The following GPT variants were observed in gnomAD, a reference collection of about 807,000 sequenced individuals.
The protein encoded by GPT is alanine aminotransferase 1.
Under a neutral mutation model 51.4 loss-of-function variants are expected in GPT, and 60 were observed. The observed-to-expected ratio is 1.17, with a 90% CI of 0.95 to 1.45. The LOEUF (loss-of-function observed/expected upper bound fraction) is 1.45, where lower values mean the gene tolerates loss of function less well. Ranked by LOEUF, GPT falls within the 40% of genes most tolerant of loss-of-function variation. GPT has a pLI of 0.00. For missense variants in GPT, 853 were observed against 704.0 expected (o/e 1.21, Z -2.40); for synonymous variants, 397 against 303.1 (o/e 1.31, Z -3.22).
chr8:144,504,090 G>A (rs1586771240), upstream of GPT: 1 of 611,090 alleles, frequency 1.6e-6, no homozygotes, highest in East Asian at 2.8e-5. Context: ...CCAGACGGGT[G>A]GGGCGGGGCC....
intron 6 of GPT, 23 bp from the exon 7 acceptor site, chr8:144,505,972 C>G (rs757301530): frequency 6.2e-7 from 1 of 1,612,238 alleles, no homozygotes; most frequent in East Asian, 2.2e-5. Context: ...AGTCCGCCCC[C>G]GTGACGCCTT....
chr8:144,506,324 C>A lies in GPT; in HGVS notation c.1049C>A (p.Pro350Gln). Residue 350 changes from proline (P) to glutamine (Q), a missense_variant, in exon 8 of 11, where the codon CCG (proline) becomes CAG (glutamine). Coordinates refer to ENST00000394955, the MANE Select transcript of GPT (RefSeq NM_005309.3). This position sits in a 1 kb window ranked among gnomAD's most constrained non-coding sequence, Gnocchi z 7.0. ...AAGCTGATGAGTGTGCGGCTGTGCC[C>A]GCCGGTGCCAGGACAGGCCCTGCTG... ...MLKLMSVRLC[P>Q]PVPGQALLDL... 1 of 1,582,706 alleles carries A rather than the reference C, an allele frequency of 6.3e-7. No individual in the cohort carries two copies. Among genetic ancestry groups the A allele is most frequent in the South Asian group, 1.1e-5 (1 of 88,008 alleles).
At position 144,506,699 on chromosome 8, in the gene GPT, G is replaced by C. The variant is rs1267221117; in HGVS notation, c.1288-32G>C. The C allele has an allele frequency of 6.2e-7, 1 of 1,602,638 alleles. No individual in the cohort carries two copies. The highest frequency in any genetic ancestry group is 1.3e-5 in the African/African-American group (1 of 74,846). On this transcript the variant is annotated intron_variant, in intron 9 of 10. Coordinates refer to ENST00000394955, the MANE Select transcript of GPT (RefSeq NM_005309.3). This position sits in a 1 kb window ranked among gnomAD's most constrained non-coding sequence, Gnocchi z 7.0. ...CCTGCGGGGTGGGCAGGGGGGGCCGGGCATCCCTCTCTGACGGCTCTCCGT... is the reference window on the plus strand; with the variant it reads ...CCTGCGGGGTGGGCAGGGGGGGCCGCGCATCCCTCTCTGACGGCTCTCCGT...
intron 5 of GPT, 75 bp downstream of exon 5, chr8:144,505,564 C>T (rs1826759676): frequency 4.1e-6 from 4 of 976,968 alleles, no homozygotes; most frequent in Non-Finnish European, 5.7e-6. Flanking sequence ...CCACTCCCCC[C>T]GCGCCCACGG....
At chr8:144,504,557 G>A (rs780253648) in intron 1 of GPT, 47 bp from the exon 2 acceptor site, 7 of 1,609,398 alleles carry the variant, frequency 4.3e-6, no homozygotes, top group South Asian at 2.2e-5. Context: ...AAGGGCTGAG[G>A]GGTTAGGTAG....
At chr8:144,503,343 G>A (rs1826625179), upstream of GPT, among the ~76,000 whole-genome samples, 1 of 152,182 alleles carries the variant, frequency 6.6e-6, no homozygotes, top group Non-Finnish European at 1.5e-5. Context: ...TGTGGAGGTG[G>A]GGCTCTGACG....
rs899235314 is a variant in GPT, at chr8:144,507,113, G to A, written c.*113G>A. On this transcript the variant is annotated 3_prime_UTR_variant, in exon 11 of 11. Coordinates refer to ENST00000394955, the MANE Select transcript of GPT (RefSeq NM_005309.3). Reference sequence around the variant, plus strand: ...ATGCCTGGCGGGGTGGGGTGGGGGGGGTGCTGGGCCCCTGCCTCTCTGCAG... The same window carrying A: ...ATGCCTGGCGGGGTGGGGTGGGGGGAGTGCTGGGCCCCTGCCTCTCTGCAG... The A allele has an allele frequency of 3.9e-6, 2 of 512,006 alleles. 1 individual carries two copies. The allele number at this position is 512,006 out of a possible 1,614,324, so 31.7% of individuals were successfully genotyped here.
Position 144,506,706 on chromosome 8 carries a change from C to G in GPT, c.1288-25C>G. On this transcript the variant is annotated intron_variant, in intron 9 of 10. Coordinates refer to ENST00000394955, the MANE Select transcript of GPT (RefSeq NM_005309.3). This position sits in a 1 kb window ranked among gnomAD's most constrained non-coding sequence, Gnocchi z 7.0. The stretch of plus-strand genomic sequence containing the variant: ...GGTGGGCAGGGGGGGCCGGGCATCC[C>G]TCTCTGACGGCTCTCCGTCCACAGG... 3 of 1,607,118 alleles carry G rather than the reference C, an allele frequency of 1.9e-6. No homozygotes were observed. Among genetic ancestry groups the G allele is most frequent in the Admixed American group, 1.7e-5 (1 of 59,726 alleles).
Position 144,504,231 on chromosome 8 carries a change from A to G in GPT, c.-74A>G. On this transcript the variant is annotated 5_prime_UTR_variant, in exon 1 of 11. Transcript: ENST00000394955. ...TCCCAGCCCTGGCCCACTAAGCCAG[A>G]CCCAGCTGTCGCCATTCCCACTTCT... The G allele has an allele frequency of 6.5e-7, 1 of 1,531,072 alleles. No individual in the cohort carries two copies. The highest frequency in any genetic ancestry group is 1.4e-5 in the African/African-American group (1 of 73,778). 94.8% of individuals were successfully genotyped at this position (1,531,072 alleles called of 1,614,324 possible).
rs777764097 is a variant in GPT, at chr8:144,505,380, G to A, written c.630G>A (p.Glu210=). The part of the protein sequence containing the change: ...GAVQVDYYLD[E]ERAWALDVAE... Reference sequence around the variant, plus strand: ...TGCAGGTGGATTACTACCTGGACGAGGAGCGTGCCTGGGCGCTGGACGTGG... The same window carrying A: ...TGCAGGTGGATTACTACCTGGACGAAGAGCGTGCCTGGGCGCTGGACGTGG... Residue 210 remains glutamate, a synonymous_variant, in exon 5 of 11, where the codon GAG becomes GAA. Transcript: ENST00000394955. The A allele has an allele frequency of 6.3e-6, 10 of 1,591,804 alleles. No individual in the cohort carries two copies. In the Admixed American group the frequency reaches 1.4e-4, roughly 22 times the overall value.
In GPT at chr8:144,505,136, G is replaced by T; in HGVS notation, c.495+5G>T. On this transcript the variant is annotated splice_donor_5th_base_variant and intron_variant, in intron 4 of 10. Coordinates refer to ENST00000394955, the MANE Select transcript of GPT (RefSeq NM_005309.3). ...GGGGCCAGCGATGCCATCGTGGTAG[G>T]CTGGGCATGGGCACCAAGACATTCC... is the stretch of plus-strand genomic sequence containing the variant. 6.2e-7 allele frequency: 1 copy of T among 1,612,954 alleles called. No individual in the cohort carries two copies.
rs1224375487 is a variant in GPT, at chr8:144,507,063, C to G, written c.*63C>G. ...GTGTGCTCAGGAGCCCTGGGAGGCT[C>G]TGGAGCCCACTGTACTTGCTCTTGA... On this transcript the variant is annotated 3_prime_UTR_variant, in exon 11 of 11. Coordinates refer to ENST00000394955, the MANE Select transcript of GPT (RefSeq NM_005309.3). The G allele has an allele frequency of 5.9e-6, 4 of 675,970 alleles. No individual in the cohort carries two copies. In the African/African-American group the frequency reaches 6.5e-5, roughly 11 times the overall value. The allele number at this position is 675,970 out of a possible 1,614,324, so 41.9% of individuals were successfully genotyped here. A position where few individuals can be genotyped will look rare whatever the true frequency, so the allele number is the denominator to read the frequency against.
At position 144,505,402 on chromosome 8, in the gene GPT, G is replaced by A. The variant is rs1374268857; in HGVS notation, c.652G>A (p.Val218Met). The change falls in exon 5 of 11, where the codon GTG (valine) becomes ATG (methionine). Residue 218 changes from valine (V) to methionine (M), a missense_variant. By Grantham distance (21) the Val-to-Met change is conservative (BLOSUM62 1). Transcript: ENST00000394955. ...LDEERAWALD[V>M]AELHRALGQA... is the part of the protein sequence containing the mutation. ...CGAGGAGCGTGCCTGGGCGCTGGAC[G>A]TGGCCGAGCTTCACCGTGCACTGGG... 4 of 1,596,180 alleles carry A rather than the reference G, an allele frequency of 2.5e-6. No individual in the cohort carries two copies. Among genetic ancestry groups the A allele is most frequent in the Middle Eastern group, 1.9e-4 (1 of 5,400 alleles).
At position 144,505,109 on chromosome 8, in the gene GPT, C is replaced by G. The variant is rs756756813; in HGVS notation, c.473C>G (p.Thr158Arg). 6.2e-7 allele frequency: 1 copy of G among 1,612,990 alleles called. No individual in the cohort carries two copies. Among genetic ancestry groups the G allele is most frequent in the African/African-American group, 1.3e-5 (1 of 74,924 alleles). The change falls in exon 4 of 11, where the codon ACA (threonine) becomes AGA (arginine). Residue 158 changes from threonine (T) to arginine (R), a missense_variant. Transcript: ENST00000394955. ...GACCCCAACAACGTCTTCCTGTCCA[C>G]AGGGGCCAGCGATGCCATCGTGGTA... is the stretch of plus-strand genomic sequence containing the variant. ...PADPNNVFLS[T>R]GASDAIVTVL... is the part of the protein sequence containing the mutation.
At chr8:144,503,927 C>T (rs969593784), upstream of GPT, 6 of 315,478 alleles carry the variant, frequency 1.9e-5, no homozygotes, top group East Asian at 4.8e-4. Context: ...CATGTCTAGT[C>T]CCTCAGAGCT....
Position 144,506,722 on chromosome 8 carries a change from CG to C in GPT, c.1288-8del, listed in dbSNP as rs1826834299. 5.0e-6 allele frequency: 8 copies of C among 1,610,168 alleles called. No individual in the cohort carries two copies. The highest frequency in any genetic ancestry group is 6.8e-6 in the Non-Finnish European group (8 of 1,179,344). On this transcript the variant is annotated splice_polypyrimidine_tract_variant and splice_region_variant and intron_variant, in intron 9 of 10. Coordinates refer to ENST00000394955, the MANE Select transcript of GPT (RefSeq NM_005309.3). This position sits in a 1 kb window ranked among gnomAD's most constrained non-coding sequence, Gnocchi z 7.0. The stretch of plus-strand genomic sequence containing the variant: ...CGGGCATCCCTCTCTGACGGCTCTC[CG>C]TCCACAGGAGCTGGGCCTGGCCCCC...
rs1564778243 is a variant in GPT at position 144,506,022 on chromosome 8, GGTTCGCA to G, written c.852_858del (p.Gln285ThrfsTer44). 6.2e-7 allele frequency: 1 copy of G among 1,612,312 alleles called. No individual in the cohort carries two copies. The highest frequency in any genetic ancestry group is 1.7e-5 in the Admixed American group (1 of 59,994). ...GTACCAGGACAACGTGTACGCCGCGGGTTCGCAGTTCCACTCATTCAAGAAGGTGCTC... is the reference window on the plus strand; with the variant it reads ...GTACCAGGACAACGTGTACGCCGCGGGTTCCACTCATTCAAGAAGGTGCTC... On this transcript the variant is annotated frameshift_variant, in exon 7 of 11. Coordinates refer to ENST00000394955, the MANE Select transcript of GPT (RefSeq NM_005309.3). LOFTEE classifies it high-confidence loss of function. This position sits in a 1 kb window ranked among gnomAD's most constrained non-coding sequence, Gnocchi z 7.0.
At chr8:144,503,432 G>C (rs895405937), upstream of GPT, among the ~76,000 whole-genome samples, 3 of 152,098 alleles carry the variant, frequency 2.0e-5, no homozygotes, top group Admixed American at 6.5e-5. Context: ...CCCTAGCCTC[G>C]GGTGTGTCCC....
At chr8:144,505,220 C>G in intron 4 of GPT, 26 bp from the exon 5 acceptor site, 1 of 1,611,094 alleles carries the variant, frequency 6.2e-7, no homozygotes, top group African/African-American at 1.3e-5. Context: ...GCCTCGCCAA[C>G]CCTGCCTTCC....
Sources: allele counts gnomAD v4.1 joint callset (sites outside exome capture counted in the v4.1 genomes callset), GRCh38; gene constraint gnomAD v4.1.1; non-coding constraint Gnocchi (gnomAD v3.1); transcripts MANE v1.5; gene names NCBI Gene and HGNC (gene_info 2026-07-23, HGNC 2026-07-21).